Variants in DYDC1 observed in about 807,000 individuals in gnomAD.
DYDC1 encodes the protein DPY30 domain containing 1.
A neutral mutation model predicts 27.9 loss-of-function variants in DYDC1; 21 were observed. That is an observed-to-expected ratio of 0.75 (90% CI 0.53 to 1.08). The LOEUF (loss-of-function observed/expected upper bound fraction) is 1.08. DYDC1 is among the 50% of genes least tolerant of loss of function. The pLI, the probability that DYDC1 is intolerant of heterozygous loss-of-function variation, is 0.00. For synonymous variants in DYDC1, 67 were observed against 65.8 expected (o/e 1.02, Z -0.09); for missense variants, 202 against 205.9 (o/e 0.98, Z 0.12).
intron 6 of DYDC1, chr10:80,337,160 G>A (rs1589495466): frequency 1.0e-6 from 1 of 985,418 alleles, no homozygotes; most frequent in Non-Finnish European, 1.2e-6. Flanking sequence ...GCTCATCTCA[G>A]GCTAATTCCT....
intron 3 of DYDC1, 118 bp downstream of exon 3, chr10:80,351,783 T>C: frequency 3.4e-6 from 3 of 875,248 alleles, no homozygotes; most frequent in South Asian, 3.4e-5. Flanking sequence ...AAGATGAAGA[T>C]ATTAGGAAGC....
downstream of DYDC1, chr10:80,336,057 GGGGA>G (rs1842124549): frequency 1.3e-6 from 1 of 756,962 alleles, no homozygotes; most frequent in Admixed American, 2.7e-5. Context: ...GAAAAAAAAA[GGGGA>G]GTTCAAGTTT....
At chr10:80,337,978 C>A (rs917968100) in intron 6 of DYDC1, 67 of 652,870 alleles carry the variant, frequency 1.0e-4, no homozygotes, top group Non-Finnish European at 1.3e-4. Context: ...TGTTTCTCCC[C>A]TGACAATAAA....
intron 6 of DYDC1, 152 bp from the exon 7 acceptor site, chr10:80,336,337 A>AATATAACCATAATTTATAT: frequency 7.4e-7 from 1 of 1,360,452 alleles, no homozygotes; most frequent in Non-Finnish European, 9.4e-7. Context: ...ACTCAAATTG[A>AATATAACCATAATTTATAT]ATATAACCAT....
chr10:80,354,801 C>T (rs1843255110), intron 1 of DYDC1, among the ~76,000 whole-genome samples: 1 of 152,092 alleles, frequency 6.6e-6, no homozygotes, highest in Non-Finnish European at 1.5e-5. Context: ...ACCAGAAATG[C>T]CAATGCCTTG....
chr10:80,356,658 C>A (rs1843387416), intron 1 of DYDC1, 54 bp downstream of exon 1: 3 of 983,746 alleles, frequency 3.0e-6, no homozygotes, highest in Admixed American at 6.1e-5. Flanking sequence ...CCGGACCCAG[C>A]GAAGCTAGGG....
In DYDC1 at chr10:80,352,450, C is replaced by T. The variant is rs771960433; in HGVS notation, c.147+5G>A. ...CTAATTTCCTAGAAGGAGATTCCTA[C>T]TTACCAGTTGTTCCATGGTCACATT... is the stretch of plus-strand genomic sequence containing the variant. On this transcript the variant is annotated splice_donor_5th_base_variant and intron_variant, in intron 2 of 6. Transcript: ENST00000372202. 4 of 1,592,736 alleles carry T rather than the reference C, an allele frequency of 2.5e-6. No homozygotes were observed. The highest frequency in any genetic ancestry group is 2.6e-6 in the Non-Finnish European group (3 of 1,171,632).
chr10:80,351,898 C>T lies in DYDC1; in HGVS notation c.249+3G>A. 6.2e-7 allele frequency: 1 copy of T among 1,613,996 alleles called. No homozygotes were observed. The highest frequency in any genetic ancestry group is 8.5e-7 in the Non-Finnish European group (1 of 1,179,906). On this transcript the variant is annotated splice_donor_region_variant and intron_variant, in intron 3 of 6. Coordinates refer to ENST00000372202, the MANE Select transcript of DYDC1 (RefSeq NM_001269053.2). Reference sequence around the variant, plus strand: ...CCCCTCTGAACTCTCCTACTTGCCTCACCTGCTGAAGTAAGAGCTCCTCTG... The same window carrying T: ...CCCCTCTGAACTCTCCTACTTGCCTTACCTGCTGAAGTAAGAGCTCCTCTG...
intron 1 of DYDC1, among the ~76,000 whole-genome samples, chr10:80,355,294 C>A (rs915085402): frequency 1.3e-5 from 2 of 151,502 alleles, no homozygotes; most frequent in Non-Finnish European, 2.9e-5. Flanking sequence ...CGTCCATAAC[C>A]CCCAATTTTT....
chr10:80,354,342 T>C (rs6585944), intron 1 of DYDC1: 114,410 of 150,618 alleles, frequency 0.76, 44,385 homozygotes, highest in East Asian at 0.97. Flanking sequence ...CAAAATTATC[T>C]GGGCGTGGTG....
intron 1 of DYDC1, 198 bp downstream of exon 1, chr10:80,356,514 A>C: frequency 1.0e-6 from 1 of 985,460 alleles, no homozygotes; most frequent in Non-Finnish European, 1.2e-6. Flanking sequence ...CAGGAGACGC[A>C]GCGCTCCCCG....
At position 80,353,569 on chromosome 10, in the gene DYDC1, C is replaced by T. The variant is rs531450871; in HGVS notation, c.-9-959G>A. Among the ~76,000 whole-genome samples the T allele has an allele frequency of 4.6e-5, 7 of 151,460 alleles. No homozygotes were observed. The South Asian group carries it at 1.5e-3, about 32-fold the overall frequency. On this transcript the variant is annotated intron_variant, in intron 1 of 6. Transcript: ENST00000372202. ...GATTACCCTTAATATTTTAAGAAAT[C>T]GGCTGGGCACAGTGGCTCACGCCTG...
chr10:80,341,742 C>T (rs528928368), intron 4 of DYDC1, among the ~76,000 whole-genome samples: 195 of 152,054 alleles, frequency 1.3e-3, no homozygotes, highest in African/African-American at 4.4e-3. Context: ...TCCAGTGAGA[C>T]GGCCAGGGGC....
chr10:80,352,739 G>T, intron 1 of DYDC1, 129 bp from the exon 2 acceptor site: 2 of 1,174,094 alleles, frequency 1.7e-6, no homozygotes, highest in Non-Finnish European at 2.2e-6. Context: ...CCCATTGGGG[G>T]TGTCACAAGC....
chr10:80,348,407 C>A (rs908030543), intron 3 of DYDC1, among the ~76,000 whole-genome samples: 2 of 152,194 alleles, frequency 1.3e-5, no homozygotes, highest in African/African-American at 4.8e-5. Context: ...CAAAACATCA[C>A]TCATATGTAA....
chr10:80,337,434 T>C, intron 6 of DYDC1: 1 of 985,448 alleles, frequency 1.0e-6, no homozygotes, highest in Non-Finnish European at 1.2e-6. Flanking sequence ...CATCGACATC[T>C]TGTCCCCTAG....
At chr10:80,344,309 A>G (rs1842485227) in intron 3 of DYDC1, among the ~76,000 whole-genome samples, 1 of 152,214 alleles carries the variant, frequency 6.6e-6, no homozygotes, top group Non-Finnish European at 1.5e-5. Context: ...GTGTCCAGGA[A>G]AAAACAAACT....
chr10:80,353,423 A>G (rs1388589411), intron 1 of DYDC1, among the ~76,000 whole-genome samples: 3 of 149,272 alleles, frequency 2.0e-5, no homozygotes, highest in African/African-American at 7.4e-5. Flanking sequence ...CGGCCTCCCA[A>G]AGTGCTGGGA....
At chr10:80,356,609 C>A in intron 1 of DYDC1, 103 bp downstream of exon 1, 1 of 985,452 alleles carries the variant, frequency 1.0e-6, no homozygotes, top group African/African-American at 1.7e-5. Flanking sequence ...GAGTCCTGCT[C>A]GACGCCCAAG....
Sources: allele counts gnomAD v4.1 joint callset (sites outside exome capture counted in the v4.1 genomes callset), GRCh38; gene constraint gnomAD v4.1.1; transcripts MANE v1.5; gene names NCBI Gene and HGNC (gene_info 2026-07-23, HGNC 2026-07-21).